CAPN15: variants seen among roughly 807,000 people sequenced by gnomAD.
CAPN15 encodes the protein calpain 15.
A neutral mutation model predicts 97.9 loss-of-function variants in CAPN15; 53 were observed. The observed-to-expected ratio is 0.54, with a 90% confidence interval of 0.43 to 0.68. CAPN15 has a LOEUF of 0.68. Among genes scored for constraint, CAPN15 ranks in the 30% least tolerant of loss-of-function variants. CAPN15 has a pLI of 0.00. For missense variants in CAPN15, 1,592 were observed against 1,589.8 expected, an observed-to-expected ratio of 1.00 and a Z score of -0.02; for synonymous variants, 922 against 722.5, an observed-to-expected ratio of 1.28 and a Z score of -4.43.
intron 3 of CAPN15, chr16:538,547 A>AG (rs2033886286): frequency 6.6e-6 from 1 of 152,208 alleles, no homozygotes; most frequent in Non-Finnish European, 1.5e-5. Flanking sequence ...TGCCGAGTGA[A>AG]GTGGTTCAGG....
In CAPN15 at chr16:549,603, G is replaced by A. The variant is rs534385829; in HGVS notation, c.1843-12G>A. The A allele has an allele frequency of 3.8e-5, 58 of 1,531,154 alleles. No individual in the cohort carries two copies. The Middle Eastern group carries it at 7.1e-4, about 19-fold the overall frequency. 94.8% of individuals were successfully genotyped at this position (1,531,154 alleles called of 1,614,324 possible). A position where few individuals can be genotyped will look rare whatever the true frequency, so the allele number is the denominator to read the frequency against. On this transcript the variant is annotated splice_polypyrimidine_tract_variant and intron_variant, in intron 6 of 13. Coordinates refer to ENST00000219611, the MANE Select transcript of CAPN15 (RefSeq NM_005632.3). The stretch of plus-strand genomic sequence containing the variant: ...GGCGGGCGGGGGTGGCCTCTGACCC[G>A]GCCCTCTGCAGGCGCAGCGGAAGCA...
Position 549,277 on chromosome 16 carries a change from G to A in CAPN15, c.1659-11G>A, listed in dbSNP as rs1464394211. On this transcript the variant is annotated splice_polypyrimidine_tract_variant and intron_variant, in intron 5 of 13. Transcript: ENST00000219611. The stretch of plus-strand genomic sequence containing the variant: ...GCGGTCCCCGCGAGGTCACCCTGAG[G>A]CTCTGCGCAGGTTCCTGAGCGCCCT... 2 of 1,577,150 alleles carry A rather than the reference G, an allele frequency of 1.3e-6. No homozygotes were observed. Among genetic ancestry groups the A allele is most frequent in the Admixed American group, 1.7e-5 (1 of 57,198 alleles).
rs144043662 is a variant in CAPN15 at position 551,191 on chromosome 16, G to T, written c.2067-111G>T. 5.4e-5 allele frequency: 74 copies of T among 1,376,882 alleles called. 2 individuals carry two copies. The African/African-American group carries it at 1.2e-3, about 22-fold the overall frequency. The allele number at this position is 1,376,882 out of a possible 1,614,324, so 85.3% of individuals were successfully genotyped here. A position where few individuals can be genotyped will look rare whatever the true frequency, so the allele number is the denominator to read the frequency against. ...GAGGGTCCCGGTCGGTGAGGGCCCC[G>T]GTCGGTGAGGGTCCCCAGTCGGTGA... On this transcript the variant is annotated intron_variant, in intron 7 of 13. Transcript: ENST00000219611.
intron 1 of CAPN15, 73 bp from the exon 2 acceptor site, chr16:533,873 G>A (rs1596320423): frequency 8.0e-6 from 6 of 747,210 alleles, no homozygotes; most frequent in East Asian, 1.3e-4. Flanking sequence ...GGCTGGAGGC[G>A]GGGCTCTGTG....
rs535972519 is a variant in CAPN15 at position 549,414 on chromosome 16, G to A, written c.1785G>A (p.Thr595=). The A allele has an allele frequency of 7.5e-6, 12 of 1,599,638 alleles. No individual in the cohort carries two copies. The highest frequency in any genetic ancestry group is 1.7e-4 in the Middle Eastern group (1 of 6,012). Reference sequence around the variant, plus strand: ...TGTGCAAGGACGGCACGTGGACCACGGTGCTGGTGGACGACATGCTGCCCT... The same window carrying A: ...TGTGCAAGGACGGCACGTGGACCACAGTGCTGGTGGACGACATGCTGCCCT... ...VRLCKDGTWT[T]VLVDDMLPCD... The change falls in exon 6 of 14, where the codon ACG becomes ACA. Residue 595 remains threonine (T), a synonymous_variant. Transcript: ENST00000219611.
At chr16:543,261 G>C (rs1370034612) in intron 3 of CAPN15, 5 of 154,742 alleles carry the variant, frequency 3.2e-5, no homozygotes, top group African/African-American at 9.6e-5. Flanking sequence ...ACCAGGCCGA[G>C]TTTCAGACCT....
At chr16:545,034 T>C (rs1237410571) in intron 3 of CAPN15, among the ~76,000 whole-genome samples, 1 of 151,566 alleles carries the variant, frequency 6.6e-6, no homozygotes, top group African/African-American at 2.4e-5. Flanking sequence ...CAAAAGGGCT[T>C]CGCTCAGGCC....
At chr16:529,262 C>T (rs1246202778) in intron 1 of CAPN15, among the ~76,000 whole-genome samples, 6 of 152,174 alleles carry the variant, frequency 3.9e-5, no homozygotes. Context: ...TGCGCAGGGC[C>T]TCTTGTCTGG....
chr16:528,861 C>T, intron 1 of CAPN15: 6 of 698,206 alleles, frequency 8.6e-6, no homozygotes, highest in Non-Finnish European at 1.1e-5. Flanking sequence ...ATCTCTTCCT[C>T]TGCCCAGGTC....
At position 552,900 on chromosome 16, in the gene CAPN15, G is replaced by C; in HGVS notation, c.2942G>C (p.Gly981Ala). Residue 981 changes from glycine to alanine, a missense_variant, in exon 13 of 14, where the codon GGT (glycine) becomes GCT (alanine). Physicochemically the swap from Gly to Ala is moderately conservative, Grantham distance 60. Around this residue, in one of 3 missense-constraint regions of CAPN15, gnomAD observed 644 missense variants for 699.6 expected, o/e 0.92. Coordinates refer to ENST00000219611, the MANE Select transcript of CAPN15 (RefSeq NM_005632.3). This position sits in a 1 kb window ranked among gnomAD's most constrained non-coding sequence, Gnocchi z 6.4. ...EGMTCYYLTH[G>A]WAGLIVVVEN... ...ATGACCTGCTACTACCTGACACACG[G>C]TTGGGCGGGGCTCATCGTGGTGGTG... 1 of 1,610,310 alleles carries C rather than the reference G, an allele frequency of 6.2e-7. No homozygotes were observed. The highest frequency in any genetic ancestry group is 8.5e-7 in the Non-Finnish European group (1 of 1,178,498).
intron 3 of CAPN15, chr16:537,007 C>G (rs892105494): frequency 2.4e-6 from 1 of 419,822 alleles, no homozygotes. Context: ...CCTCTGGCAG[C>G]GGATCGGGGC....
intron 3 of CAPN15, among the ~76,000 whole-genome samples, chr16:545,107 CAG>C (rs2034495376): frequency 6.6e-6 from 1 of 152,084 alleles, no homozygotes; most frequent in East Asian, 2.0e-4. Flanking sequence ...GGTCTGGCCT[CAG>C]GAGGTCAAGG....
intron 1 of CAPN15, among the ~76,000 whole-genome samples, chr16:530,312 C>A (rs185902581): frequency 2.0e-5 from 3 of 152,206 alleles, no homozygotes; most frequent in Admixed American, 6.5e-5. Flanking sequence ...TAGTGTCTAG[C>A]GCTATGCAGC....
intron 3 of CAPN15, chr16:538,627 TTC>T (rs925884040): frequency 3.7e-4 from 56 of 152,270 alleles, no homozygotes; most frequent in African/African-American, 1.3e-3. Flanking sequence ...GGATCCAGAA[TTC>T]TCTGTCTCAC....
Position 553,046 on chromosome 16 carries a change from G to GC in CAPN15, c.3083+10dup, listed in dbSNP as rs774964608. On this transcript the variant is annotated splice_donor_region_variant and intron_variant, in intron 13 of 13. Transcript: ENST00000219611. ...TAGCGTGCCACCCCTGCACAGGTGC[G>GC]CCCCCGCCCCTGCCCCCCCACCCCT... 147 of 1,375,554 alleles carry GC rather than the reference G, an allele frequency of 1.1e-4. 1 individual carries two copies. The African/African-American group carries it at 2.6e-3, about 24-fold the overall frequency. 85.2% of individuals were successfully genotyped at this position (1,375,554 alleles called of 1,614,324 possible). A position where few individuals can be genotyped will look rare whatever the true frequency, so the allele number is the denominator to read the frequency against.
intron 4 of CAPN15, 141 bp from the exon 5 acceptor site, chr16:548,852 G>C (rs1264227351): frequency 2.5e-6 from 2 of 785,800 alleles, no homozygotes; most frequent in South Asian, 1.6e-5. Context: ...GCCGGCGCCA[G>C]GTCTGTGGCT....
Position 553,545 on chromosome 16 carries a change from C to G in CAPN15, c.*29C>G. 6.6e-7 allele frequency: 1 copy of G among 1,504,258 alleles called. No homozygotes were observed. Among genetic ancestry groups the G allele is most frequent in the East Asian group, 2.3e-5 (1 of 42,716 alleles). The allele number at this position is 1,504,258 out of a possible 1,614,324, so 93.2% of individuals were successfully genotyped here. On this transcript the variant is annotated 3_prime_UTR_variant, in exon 14 of 14. Coordinates refer to ENST00000219611, the MANE Select transcript of CAPN15 (RefSeq NM_005632.3). ...CCATGCCTGGGGCAGGGGCTGTGCA[C>G]AGACGGACCCCCCACCCCCACACGC...
rs751427464 is a variant in CAPN15 at position 549,761 on chromosome 16, C to G, written c.1989C>G (p.Leu663=). Residue 663 remains leucine (L), a synonymous_variant, in exon 7 of 14, where the codon CTC becomes CTG. Coordinates refer to ENST00000219611, the MANE Select transcript of CAPN15 (RefSeq NM_005632.3). The stretch of plus-strand genomic sequence containing the variant: ...CCTGTGAGAGCCTGGCGCTGCAGCT[C>G]AGCTCCACTAACCCCCGCGAGGAGC... ...GAPCESLALQ[L]SSTNPREEPV... is the part of the protein sequence containing the mutation. 1.3e-6 allele frequency: 2 copies of G among 1,592,066 alleles called. No homozygotes were observed. The highest frequency in any genetic ancestry group is 2.3e-5 in the South Asian group (2 of 88,094).
In CAPN15 at chr16:549,328, C is replaced by T; in HGVS notation, c.1699C>T (p.Leu567=). Residue 567 remains leucine, a synonymous_variant, in exon 6 of 14, where the codon CTG becomes TTG. Coordinates refer to ENST00000219611, the MANE Select transcript of CAPN15 (RefSeq NM_005632.3). ...ALAVLAERPD[L]VERVMVTRSL... is the part of the protein sequence containing the mutation. ...GGCGGTGCTGGCGGAGCGGCCGGAC[C>T]TGGTGGAGCGGGTGATGGTCACGCG... 1 of 1,594,780 alleles carries T rather than the reference C, an allele frequency of 6.3e-7. No homozygotes were observed. The highest frequency in any genetic ancestry group is 8.5e-7 in the Non-Finnish European group (1 of 1,177,264).
Sources: allele counts gnomAD v4.1 joint callset (sites outside exome capture counted in the v4.1 genomes callset), GRCh38; gene constraint gnomAD v4.1.1; regional missense constraint gnomAD v4.1.1; non-coding constraint Gnocchi (gnomAD v3.1); transcripts MANE v1.5; gene names NCBI Gene and HGNC (gene_info 2026-07-23, HGNC 2026-07-21).